NRG3: variants seen among roughly 807,000 people sequenced by gnomAD.
NRG3 encodes the protein pro-neuregulin-3, membrane-bound isoform.
A neutral mutation model predicts 66.9 loss-of-function variants in NRG3; 31 were observed. The ratio of observed to expected loss-of-function variants is 0.46; its 90% CI spans 0.35 to 0.63. NRG3 has a LOEUF of 0.63. NRG3 is among the 20% of genes least tolerant of loss of function. NRG3 has a pLI of 0.00. For synonymous variants in NRG3, 393 were observed against 359.4 expected (o/e 1.09, Z -1.06); for missense variants, 910 against 878.9 (o/e 1.04, Z -0.45).
chr10:82,764,864 AAGAG>A (rs1451957035), intron 3 of NRG3, among the ~76,000 whole-genome samples: 1 of 152,066 alleles, frequency 6.6e-6, no homozygotes, highest in African/African-American at 2.4e-5. Flanking sequence ...GAGCAACAGA[AAGAG>A]AGGAAAGAAA....
intron 1 of NRG3, among the ~76,000 whole-genome samples, chr10:82,172,756 G>T (rs17099533): frequency 3.9e-5 from 6 of 152,092 alleles, no homozygotes; most frequent in Admixed American, 6.6e-5. Flanking sequence ...AAACACAGAG[G>T]TCTGCGGGGC....
At chr10:81,879,773 A>T (rs1842013542) in intron 1 of NRG3, among the ~76,000 whole-genome samples, 1 of 152,224 alleles carries the variant, frequency 6.6e-6, no homozygotes, top group African/African-American at 2.4e-5. Flanking sequence ...GCATTGATAA[A>T]ATCAAGTATT....
chr10:82,183,202 T>C (rs887196517), intron 1 of NRG3, among the ~76,000 whole-genome samples: 1 of 152,038 alleles, frequency 6.6e-6, no homozygotes, highest in African/African-American at 2.4e-5. Flanking sequence ...AGTAATTTTT[T>C]AAATAAACTT....
At chr10:82,433,569 T>C (rs539517231) in intron 2 of NRG3, among the ~76,000 whole-genome samples, 1 of 152,334 alleles carries the variant, frequency 6.6e-6, no homozygotes, top group South Asian at 2.1e-4. Context: ...TTCTAGGGTT[T>C]TTAAGGTTTT....
chr10:82,059,738 A>G (rs555555670), intron 1 of NRG3, among the ~76,000 whole-genome samples: 28 of 152,154 alleles, frequency 1.8e-4, no homozygotes, highest in Admixed American at 1.6e-3. Flanking sequence ...ACCAGGATGG[A>G]TTCTTCGCTT....
chr10:82,875,951 G>T (rs1233813594), intron 4 of NRG3, among the ~76,000 whole-genome samples: 1 of 152,212 alleles, frequency 6.6e-6, no homozygotes, highest in African/African-American at 2.4e-5. Context: ...TTTCGGGTGA[G>T]ATTAATAGTG....
intron 2 of NRG3, among the ~76,000 whole-genome samples, chr10:82,408,569 A>G (rs1423958577): frequency 4.6e-5 from 7 of 151,110 alleles, no homozygotes; most frequent in African/African-American, 7.3e-5. Context: ...TTCTTGATGA[A>G]CGTTTCAAGA....
At chr10:82,022,530 C>CTATAGCT (rs1386416621) in intron 1 of NRG3, among the ~76,000 whole-genome samples, 1 of 152,116 alleles carries the variant, frequency 6.6e-6, no homozygotes, top group Non-Finnish European at 1.5e-5. Flanking sequence ...CTACTCCATG[C>CTATAGCT]TATAGCTTAG....
chr10:82,123,660 ATTCTG>A (rs2068238784), intron 1 of NRG3, among the ~76,000 whole-genome samples: 1 of 152,158 alleles, frequency 6.6e-6, no homozygotes, highest in Non-Finnish European at 1.5e-5. Context: ...TTCATCCAAA[ATTCTG>A]TTCTTTCTTC....
At chr10:82,590,861 G>T (rs1455705537) in intron 2 of NRG3, among the ~76,000 whole-genome samples, 1 of 152,184 alleles carries the variant, frequency 6.6e-6, no homozygotes, top group Non-Finnish European at 1.5e-5. Flanking sequence ...AGAAAGAGAG[G>T]TTCCATCCAT....
At chr10:82,487,950 A>AT (rs1290926643) in intron 2 of NRG3, among the ~76,000 whole-genome samples, 2 of 152,212 alleles carry the variant, frequency 1.3e-5, no homozygotes, top group Non-Finnish European at 2.9e-5. Flanking sequence ...TTAGCAGACA[A>AT]TTCTCAAGAT....
chr10:82,521,735 G>A (rs963950756), intron 2 of NRG3, among the ~76,000 whole-genome samples: 2 of 152,070 alleles, frequency 1.3e-5, no homozygotes, highest in Non-Finnish European at 2.9e-5. Flanking sequence ...ACGCCCTTTC[G>A]TACCATTTTT....
chr10:82,175,133 C>G (rs1564632842), intron 1 of NRG3, among the ~76,000 whole-genome samples: 1 of 152,112 alleles, frequency 6.6e-6, no homozygotes, highest in African/African-American at 2.4e-5. Flanking sequence ...CCTTGCTACC[C>G]ATCACTTTCT....
At chr10:82,295,578 C>T (rs574726221) in intron 1 of NRG3, among the ~76,000 whole-genome samples, 4 of 151,954 alleles carry the variant, frequency 2.6e-5, no homozygotes, top group Non-Finnish European at 4.4e-5. Context: ...CTGCCTAGTT[C>T]CCGAAATGGA....
intron 1 of NRG3, among the ~76,000 whole-genome samples, chr10:82,065,757 C>T (rs945428781): frequency 1.3e-5 from 2 of 152,134 alleles, no homozygotes; most frequent in Non-Finnish European, 2.9e-5. Context: ...TTAGGAATTT[C>T]GCTGAACAGA....
At chr10:81,969,206 G>A (rs2059838695) in intron 1 of NRG3, among the ~76,000 whole-genome samples, 1 of 152,216 alleles carries the variant, frequency 6.6e-6, no homozygotes, top group African/African-American at 2.4e-5. Flanking sequence ...CAGCAGAGCA[G>A]TGAAGAGCAA....
At chr10:82,756,534 T>C (rs1434266010) in intron 3 of NRG3, among the ~76,000 whole-genome samples, 2 of 152,154 alleles carry the variant, frequency 1.3e-5, no homozygotes, top group Non-Finnish European at 2.9e-5. Context: ...TATTTGATTG[T>C]GCACCTAAAA....
chr10:82,522,546 C>T (rs1846296732), intron 2 of NRG3, among the ~76,000 whole-genome samples: 1 of 152,020 alleles, frequency 6.6e-6, no homozygotes, highest in Non-Finnish European at 1.5e-5. Flanking sequence ...TTTCGAGAAA[C>T]ACCAAAAGGT....
rs529774927 is a variant in NRG3 at position 82,982,153 on chromosome 10, C to T, written c.1584-2945C>T. Among the ~76,000 whole-genome samples the T allele has an allele frequency of 3.0e-3, 452 of 152,262 alleles. 1 individual carries two copies. Among genetic ancestry groups the T allele is most frequent in the South Asian group, 0.012 (58 of 4,828 alleles). On this transcript the variant is annotated intron_variant, in intron 8 of 8. Coordinates refer to ENST00000372141, the MANE Select transcript of NRG3 (RefSeq NM_001010848.4). ...GTAAACGGAATATCTAATTTTATGG[C>T]TTCAGAGGGAAGCGTGGATGCCTTC...
Sources: allele counts gnomAD v4.1 joint callset (sites outside exome capture counted in the v4.1 genomes callset), GRCh38; gene constraint gnomAD v4.1.1; transcripts MANE v1.5; gene names NCBI Gene and HGNC (gene_info 2026-07-23, HGNC 2026-07-21).